Variants in P4HA1 observed in about 807,000 individuals in gnomAD.
P4HA1 encodes the protein prolyl 4-hydroxylase subunit alpha 1.
Under a neutral mutation model 72.8 loss-of-function variants are expected in P4HA1, and 24 were observed. The ratio of observed to expected loss-of-function variants is 0.33; its 90% CI spans 0.24 to 0.46. The LOEUF (loss-of-function observed/expected upper bound fraction) is 0.46, where lower values mean the gene tolerates loss of function less well. Among genes scored for constraint, P4HA1 ranks in the 20% least tolerant of loss-of-function variants. The pLI is 1.00. For missense variants in P4HA1, 446 were observed against 640.6 expected (o/e 0.70, Z 3.28); for synonymous variants, 201 against 218.8 (o/e 0.92, Z 0.72).
intron 8 of P4HA1, 147 bp downstream of exon 8, chr10:73,046,778 C>T (rs1266316555): frequency 1.5e-5 from 9 of 611,108 alleles, no homozygotes; most frequent in Non-Finnish European, 2.6e-5. Context: ...ATAAACACAG[C>T]ATCATTAGTA....
intron 9 of P4HA1, among the ~76,000 whole-genome samples, chr10:73,039,969 T>C (rs188605411): frequency 1.3e-5 from 2 of 148,876 alleles, no homozygotes; most frequent in Non-Finnish European, 3.0e-5. Context: ...TCAAGTGATC[T>C]ACCCACCTAA....
chr10:73,014,330 C>A (rs1291381478), intron 11 of P4HA1, 41 bp from the exon 12 acceptor site: 4 of 1,427,008 alleles, frequency 2.8e-6, no homozygotes, highest in Non-Finnish European at 4.0e-6. Context: ...TGTAAAAATT[C>A]AGTAATACAA....
At chr10:73,078,150 AAATC>A (rs905114840) in intron 1 of P4HA1, among the ~76,000 whole-genome samples, 62 of 152,124 alleles carry the variant, frequency 4.1e-4, no homozygotes, top group African/African-American at 1.5e-3. Flanking sequence ...GAGTTCATAC[AAATC>A]AATAAGAAAA....
At chr10:73,028,401 C>T (rs1204380571) in intron 10 of P4HA1, among the ~76,000 whole-genome samples, 2 of 151,446 alleles carry the variant, frequency 1.3e-5, no homozygotes, top group African/African-American at 4.9e-5. Flanking sequence ...TTTAAGAATA[C>T]ATTTTGGTCT....
intron 1 of P4HA1, among the ~76,000 whole-genome samples, chr10:73,086,926 T>C (rs1223951371): frequency 1.0e-5 from 1 of 99,814 alleles, no homozygotes; most frequent in Non-Finnish European, 1.8e-5. Context: ...AGAGTGAGAG[T>C]GCATCTCAAA....
In P4HA1 at chr10:73,081,583, G is replaced by C. The variant is rs544170972; in HGVS notation, c.-32-6668C>G. The stretch of plus-strand genomic sequence containing the variant: ...ACTTTCCTACAGTTCTTATTCCAGG[G>C]AAGTCCAGTCCCACAGACTCAACAG... On this transcript the variant is annotated intron_variant, in intron 1 of 14. Coordinates refer to ENST00000394890, the MANE Select transcript of P4HA1 (RefSeq NM_001017962.3). Among the ~76,000 whole-genome samples the C allele has an allele frequency of 2.0e-5, 3 of 152,198 alleles. No homozygotes were observed. In the South Asian group the frequency reaches 6.2e-4, roughly 32 times the overall value.
rs376131663 is a variant in P4HA1 at position 73,093,907 on chromosome 10, T to TACAC, written c.-33+2855_-33+2858dup. Among the ~76,000 whole-genome samples, 178 of 55,516 alleles carry TACAC rather than the reference T, an allele frequency of 3.2e-3. 3 individuals are homozygous for TACAC. Among genetic ancestry groups the TACAC allele is most frequent in the African/African-American group, 0.011 (118 of 10,528 alleles). 36.4% of individuals were successfully genotyped at this position (55,516 alleles called of 152,430 possible). On this transcript the variant is annotated intron_variant, in intron 1 of 14. Transcript: ENST00000394890. ...ATATATATATATATATATATATATATACACACACACACACACACACATACT... is the reference window on the plus strand; with the variant it reads ...ATATATATATATATATATATATATATACACACACACACACACACACACACATACT...
rs1355911917 is a variant in P4HA1 at position 73,092,343 on chromosome 10, T to C, written c.-33+4423A>G. ...CATATTGTAAATAATTTTTTTTTCTTTTCTTTTTTTTTTTTTTTTTTTTAG... is the reference window on the plus strand; with the variant it reads ...CATATTGTAAATAATTTTTTTTTCTCTTCTTTTTTTTTTTTTTTTTTTTAG... On this transcript the variant is annotated intron_variant, in intron 1 of 14. Coordinates refer to ENST00000394890, the MANE Select transcript of P4HA1 (RefSeq NM_001017962.3). 4.7e-5 allele frequency among the ~76,000 whole-genome samples: 7 copies of C among 148,854 alleles called. No homozygotes were observed. The East Asian group carries it at 1.2e-3, about 25-fold the overall frequency.
Position 73,073,836 on chromosome 10 carries a change from GGAA to G in P4HA1, c.77-12_77-10del, listed in dbSNP as rs1841626254. ...CAAATCAGTCATCTGACCTAGAAGGGGAAGAAGGTTATCAAATACTCATATCCT... is the reference window on the plus strand; with the variant it reads ...CAAATCAGTCATCTGACCTAGAAGGGGAAGGTTATCAAATACTCATATCCT... On this transcript the variant is annotated splice_polypyrimidine_tract_variant and intron_variant, in intron 2 of 14. Coordinates refer to ENST00000394890, the MANE Select transcript of P4HA1 (RefSeq NM_001017962.3). 1 of 1,338,170 alleles carries G rather than the reference GGAA, an allele frequency of 7.5e-7. No individual in the cohort carries two copies. Among genetic ancestry groups the G allele is most frequent in the Non-Finnish European group, 1.1e-6 (1 of 929,944 alleles). The allele number at this position is 1,338,170 out of a possible 1,614,324, so 82.9% of individuals were successfully genotyped here.
intron 6 of P4HA1, 117 bp downstream of exon 6, chr10:73,053,234 G>T: frequency 1.0e-6 from 1 of 961,600 alleles, no homozygotes; most frequent in Non-Finnish European, 1.6e-6. Context: ...AACAAGTAAA[G>T]CTCCTGACTT....
chr10:73,069,806 G>GT (rs201651550), intron 4 of P4HA1, among the ~76,000 whole-genome samples: 4,005 of 147,314 alleles, frequency 0.027, 194 homozygotes, highest in African/African-American at 0.078. Flanking sequence ...ATAATCAACT[G>GT]TTTTGTTTTT....
At chr10:73,054,198 G>A (rs1045720527) in intron 5 of P4HA1, among the ~76,000 whole-genome samples, 4 of 152,062 alleles carry the variant, frequency 2.6e-5, no homozygotes, top group African/African-American at 7.2e-5. Flanking sequence ...AAGCCACCGC[G>A]CCCGGCCACC....
intron 14 of P4HA1, among the ~76,000 whole-genome samples, chr10:73,008,944 G>GAC (rs1280408064): frequency 1.3e-5 from 2 of 151,740 alleles, no homozygotes; most frequent in Non-Finnish European, 2.9e-5. Flanking sequence ...ATCAAACCCT[G>GAC]ACAATTTTCC....
intron 6 of P4HA1, among the ~76,000 whole-genome samples, chr10:73,052,189 GGA>G (rs1491408795): frequency 3.4e-5 from 5 of 145,272 alleles, no homozygotes; most frequent in African/African-American, 1.1e-4. Context: ...CCATCTGAGA[GGA>G]AAAAAAAAAA....
intron 5 of P4HA1, among the ~76,000 whole-genome samples, chr10:73,067,524 A>G (rs1380139635): frequency 6.6e-6 from 1 of 152,154 alleles, no homozygotes; most frequent in Non-Finnish European, 1.5e-5. Context: ...ACTCTCACAA[A>G]GCCAAACCCC....
chr10:73,049,902 G>A (rs148314151), intron 7 of P4HA1, among the ~76,000 whole-genome samples: 478 of 152,264 alleles, frequency 3.1e-3, no homozygotes, highest in Non-Finnish European at 5.0e-3. Context: ...GGTGGCTGAC[G>A]CCTGTAATCC....
chr10:73,026,146 A>C (rs1433143791), intron 10 of P4HA1, among the ~76,000 whole-genome samples: 1 of 152,234 alleles, frequency 6.6e-6, no homozygotes, highest in Non-Finnish European at 1.5e-5. Context: ...CCACATAGCC[A>C]AGACAATCCT....
intron 10 of P4HA1, among the ~76,000 whole-genome samples, chr10:73,024,884 A>T (rs907756337): frequency 2.0e-5 from 3 of 152,238 alleles, no homozygotes; most frequent in Non-Finnish European, 4.4e-5. Flanking sequence ...TAAACTAGAA[A>T]ATCTAGAAGA....
At chr10:73,036,238 A>T (rs1840573209) in intron 9 of P4HA1, among the ~76,000 whole-genome samples, 1 of 151,394 alleles carries the variant, frequency 6.6e-6, no homozygotes, top group South Asian at 2.1e-4. Flanking sequence ...AGCAGTTAAA[A>T]CCAATGTTGA....
Sources: allele counts gnomAD v4.1 joint callset (sites outside exome capture counted in the v4.1 genomes callset), GRCh38; gene constraint gnomAD v4.1.1; transcripts MANE v1.5; gene names NCBI Gene and HGNC (gene_info 2026-07-23, HGNC 2026-07-21).